NF2: variants seen among roughly 807,000 people sequenced by gnomAD.
NF2 encodes merlin.
In NF2, 8 loss-of-function variants were observed where a neutral mutation model predicts 83.7. The ratio of observed to expected loss-of-function variants is 0.10; its 90% CI spans 0.06 to 0.17. The LOEUF is 0.17. Among genes scored for constraint, NF2 ranks in the 10% least tolerant of loss-of-function variants. The pLI is 1.00. For missense variants in NF2, 533 were observed against 744.4 expected, an observed-to-expected ratio of 0.72 and a Z score of 3.31; for synonymous variants, 266 against 269.6, an observed-to-expected ratio of 0.99 and a Z score of 0.13.
intron 4 of NF2, among the ~76,000 whole-genome samples, chr22:29,648,831 A>AT (rs1272320286): frequency 6.6e-6 from 1 of 152,138 alleles, no homozygotes; most frequent in African/African-American, 2.4e-5. Flanking sequence ...CACAAACTCT[A>AT]TACCCGCCTC....
chr22:29,647,035 C>CAAAA (rs67597134), intron 4 of NF2, among the ~76,000 whole-genome samples: 5 of 117,000 alleles, frequency 4.3e-5, no homozygotes, highest in Admixed American at 9.3e-5. Flanking sequence ...GACTCCATCT[C>CAAAA]AAAAAAAAAA....
chr22:29,686,091 A>C (rs2067264796), intron 15 of NF2, among the ~76,000 whole-genome samples: 1 of 152,206 alleles, frequency 6.6e-6, no homozygotes, highest in Non-Finnish European at 1.5e-5. Flanking sequence ...TCACCTGCAA[A>C]AGGTGGATAA....
intron 1 of NF2, among the ~76,000 whole-genome samples, chr22:29,607,944 G>A (rs190239071): frequency 2.6e-5 from 4 of 151,774 alleles, no homozygotes; most frequent in East Asian, 1.9e-4. Flanking sequence ...AGGCTGAGGC[G>A]GGCGGATCAC....
At chr22:29,672,866 C>T (rs908335775) in intron 11 of NF2, among the ~76,000 whole-genome samples, 10 of 152,048 alleles carry the variant, frequency 6.6e-5, no homozygotes, top group African/African-American at 1.7e-4. Flanking sequence ...GTGATCTGCC[C>T]GCCTCAGCCT....
chr22:29,638,157 G>A (rs974152670), intron 2 of NF2, among the ~76,000 whole-genome samples: 7 of 152,166 alleles, frequency 4.6e-5, no homozygotes, highest in Non-Finnish European at 5.9e-5. Flanking sequence ...GATGGTTCAA[G>A]CTTTACAGGG....
rs1291850815 is a variant in NF2 at position 29,695,830 on chromosome 22, T to C, written c.*1028T>C. On this transcript the variant is annotated 3_prime_UTR_variant, in exon 16 of 16. Coordinates refer to ENST00000338641, the MANE Select transcript of NF2 (RefSeq NM_000268.4). The surrounding 1 kb of genome is among the most constrained non-coding windows in gnomAD (Gnocchi z 5.4). ...CAGCCCACTTCCCAACCCACTGTTG[T>C]ACCCAGGCCTCACTTTGCTGTTGCC... 2 of 233,586 alleles carry C rather than the reference T, an allele frequency of 8.6e-6. No homozygotes were observed. Among genetic ancestry groups the C allele is most frequent in the Non-Finnish European group, 1.7e-5 (2 of 118,290 alleles). 14.5% of individuals were successfully genotyped at this position (233,586 alleles called of 1,614,324 possible).
At chr22:29,686,036 T>A (rs1034672198) in intron 15 of NF2, among the ~76,000 whole-genome samples, 1 of 152,112 alleles carries the variant, frequency 6.6e-6, no homozygotes. Flanking sequence ...TACATGCAGC[T>A]ATAAAAAAGG....
At chr22:29,682,986 T>A (rs183302508) in intron 15 of NF2, 93 of 1,613,684 alleles carry the variant, frequency 5.8e-5, no homozygotes, top group Admixed American at 1.8e-4. Context: ...CAGGGTATGT[T>A]TTTGTTTTTC....
At chr22:29,612,714 C>T (rs1401438431) in intron 1 of NF2, among the ~76,000 whole-genome samples, 3 of 152,028 alleles carry the variant, frequency 2.0e-5, no homozygotes, top group Non-Finnish European at 2.9e-5. Flanking sequence ...GATCATAAGA[C>T]ATAACGTTGT....
intron 8 of NF2, among the ~76,000 whole-genome samples, chr22:29,662,711 A>G (rs1299303478): frequency 6.6e-6 from 1 of 152,242 alleles, no homozygotes; most frequent in Admixed American, 6.5e-5. Flanking sequence ...GGAAGCAGAG[A>G]CACAGAAGGA....
rs2147185413 is a variant in NF2, at chr22:29,697,562, C to T, written c.*2760C>T. On this transcript the variant is annotated 3_prime_UTR_variant, in exon 16 of 16. Coordinates refer to ENST00000338641, the MANE Select transcript of NF2 (RefSeq NM_000268.4). ...CTGGTTCCTGTGGCTGGGATGACTG[C>T]ATCCTTTTTTTTTTTTTTTTGAGAC... 1 of 177,188 alleles carries T rather than the reference C, an allele frequency of 5.6e-6. No homozygotes were observed. Among genetic ancestry groups the T allele is most frequent in the East Asian group, 9.4e-5 (1 of 10,638 alleles). The allele number at this position is 177,188 out of a possible 1,614,324, so 11.0% of individuals were successfully genotyped here.
chr22:29,662,177 G>A (rs2066497747), intron 8 of NF2, among the ~76,000 whole-genome samples: 1 of 152,048 alleles, frequency 6.6e-6, no homozygotes, highest in Non-Finnish European at 1.5e-5. Flanking sequence ...TGTCACCGAG[G>A]CTGGAATGCA....
At chr22:29,643,785 C>T (rs1006215227) in intron 4 of NF2, among the ~76,000 whole-genome samples, 4 of 152,344 alleles carry the variant, frequency 2.6e-5, no homozygotes, top group Middle Eastern at 3.4e-3. Context: ...CATCCTGGCC[C>T]GTTCTCAATG....
At chr22:29,645,983 C>T (rs912119068) in intron 4 of NF2, among the ~76,000 whole-genome samples, 1 of 152,152 alleles carries the variant, frequency 6.6e-6, no homozygotes, top group Non-Finnish European at 1.5e-5. Context: ...GAAACTAAGG[C>T]TTACTATGAC....
intron 1 of NF2, among the ~76,000 whole-genome samples, chr22:29,612,494 T>G (rs2531845): frequency 0.59 from 88,382 of 151,030 alleles, 26,456 homozygotes; most frequent in East Asian, 0.78. Flanking sequence ...AGCTTTTTTT[T>G]TTTGTTTGTT....
chr22:29,683,430 C>A, intron 15 of NF2: 1 of 1,260,242 alleles, frequency 7.9e-7, no homozygotes, highest in Non-Finnish European at 1.0e-6. Flanking sequence ...GAAATGGGGT[C>A]AATCTGGGCA....
intron 1 of NF2, among the ~76,000 whole-genome samples, chr22:29,630,313 TA>T: frequency 6.6e-6 from 1 of 152,232 alleles, no homozygotes; most frequent in South Asian, 2.1e-4. Flanking sequence ...GCTATTTACT[TA>T]AAACATTCTA....
At chr22:29,675,026 C>T (rs1569307496) in intron 13 of NF2, 85 bp downstream of exon 13, 1 of 1,184,688 alleles carries the variant, frequency 8.4e-7, no homozygotes, top group South Asian at 1.3e-5. Context: ...TCTGGCGGTG[C>T]CTTCAGGGTG....
At chr22:29,664,371 CCA>C (rs35386801) in intron 8 of NF2, among the ~76,000 whole-genome samples, 9,146 of 146,038 alleles carry the variant, frequency 0.063, 576 homozygotes, top group African/African-American at 0.17. Context: ...AAAGCTAATA[CCA>C]CACACACACA....
Sources: gnomAD v4.1 joint callset for allele counts (sites outside exome capture counted in the v4.1 genomes callset) on GRCh38, gnomAD v4.1.1 for gene constraint, Gnocchi (gnomAD v3.1) non-coding constraint, MANE v1.5 for transcripts, NCBI Gene and HGNC (gene_info 2026-07-23, HGNC 2026-07-21) for gene names.